The following THEMIS variants were observed in gnomAD, a reference collection of about 807,000 sequenced individuals.
THEMIS encodes the protein thymocyte selection associated.
A neutral mutation model predicts 52.6 loss-of-function variants in THEMIS; 37 were observed. That is an observed-to-expected ratio of 0.70 (90% CI 0.54 to 0.93). THEMIS has a LOEUF of 0.93. Among genes scored for constraint, THEMIS ranks in the 40% least tolerant of loss-of-function variants. The pLI is 0.00. For synonymous variants in THEMIS, 292 were observed against 272.7 expected, an observed-to-expected ratio of 1.07 and a Z score of -0.70; for missense variants, 808 against 763.1, an observed-to-expected ratio of 1.06 and a Z score of -0.69.
In THEMIS at chr6:127,708,541, G is replaced by C. The variant is rs977246125; in HGVS notation, c.*1444C>G. ...ATGGTGCAGTTTGTCAAGGCTGTTA[G>C]GTTAAGATTCGCTGTGGCCTTCAAT... On this transcript the variant is annotated 3_prime_UTR_variant, in exon 6 of 6. Coordinates refer to ENST00000368248, the MANE Select transcript of THEMIS (RefSeq NM_001010923.3). The C allele has an allele frequency of 1.3e-5, 2 of 152,012 alleles. No homozygotes were observed. Among genetic ancestry groups the C allele is most frequent in the Non-Finnish European group, 2.9e-5 (2 of 67,972 alleles). 9.4% of individuals were successfully genotyped at this position (152,012 alleles called of 1,614,324 possible). A position where few individuals can be genotyped will look rare whatever the true frequency, so the allele number is the denominator to read the frequency against.
intron 4 of THEMIS, among the ~76,000 whole-genome samples, chr6:127,758,897 G>T (rs970240699): frequency 5.3e-5 from 8 of 152,076 alleles, no homozygotes; most frequent in African/African-American, 1.9e-4. Context: ...TGTAATTTAA[G>T]CCAGTTACTT....
Position 127,723,573 on chromosome 6 carries a change from G to A in THEMIS, c.1759-3750C>T, listed in dbSNP as rs990117183. Among the ~76,000 whole-genome samples, 7 of 152,040 alleles carry A rather than the reference G, an allele frequency of 4.6e-5. No homozygotes were observed. The East Asian group carries it at 1.4e-3, about 29-fold the overall frequency. On this transcript the variant is annotated intron_variant, in intron 4 of 5. Transcript: ENST00000368248. Reference sequence around the variant, plus strand: ...AGAGATTTATGAAATGAGATGAGGTGTAGAGAGGCAGGAGCTTGCATGCCT... The same window carrying A: ...AGAGATTTATGAAATGAGATGAGGTATAGAGAGGCAGGAGCTTGCATGCCT...
chr6:127,757,104 A>G (rs913690056), intron 4 of THEMIS, among the ~76,000 whole-genome samples: 9 of 152,214 alleles, frequency 5.9e-5, no homozygotes, highest in South Asian at 2.1e-4. Flanking sequence ...ACATGTGGTC[A>G]TTAAACTCTT....
chr6:127,887,468 T>A (rs182399726), intron 1 of THEMIS, among the ~76,000 whole-genome samples: 1 of 152,202 alleles, frequency 6.6e-6, no homozygotes, highest in African/African-American at 2.4e-5. Flanking sequence ...TGAGTGTCCA[T>A]CAACTGGTGT....
At chr6:127,833,744 T>C (rs1258187848) in intron 2 of THEMIS, among the ~76,000 whole-genome samples, 1 of 152,160 alleles carries the variant, frequency 6.6e-6, no homozygotes, top group Non-Finnish European at 1.5e-5. Context: ...ATAGAGATAC[T>C]TGAGCTAGAA....
chr6:127,874,365 A>T (rs1478370593), intron 1 of THEMIS, among the ~76,000 whole-genome samples: 2 of 152,136 alleles, frequency 1.3e-5, no homozygotes, highest in African/African-American at 4.8e-5. Context: ...TAGCACCATA[A>T]ACAGTCTGTA....
In THEMIS at chr6:127,813,445, A is replaced by C; in HGVS notation, c.1196T>G (p.Val399Gly). ...CACTTTTTTTATTCCCTCACAGAGG[A>C]CTTCAGTCGTCTCTGACTGATGCAC... ...FLVHQSETTE[V>G]LCEGIKKVVN... Residue 399 changes from valine to glycine, a missense_variant, in exon 4 of 6, where the codon GTC becomes GGC. By Grantham distance (109) the Val-to-Gly change is moderately radical. Transcript: ENST00000368248. 6.2e-7 allele frequency: 1 copy of C among 1,613,934 alleles called. No homozygotes were observed. The highest frequency in any genetic ancestry group is 8.5e-7 in the Non-Finnish European group (1 of 1,179,958).
intron 2 of THEMIS, among the ~76,000 whole-genome samples, chr6:127,830,270 T>A (rs1778656630): frequency 6.6e-6 from 1 of 152,210 alleles, no homozygotes; most frequent in South Asian, 2.1e-4. Flanking sequence ...ATCTTACTTC[T>A]CAGTCACATT....
intron 2 of THEMIS, among the ~76,000 whole-genome samples, chr6:127,847,454 A>G (rs970373299): frequency 2.6e-5 from 4 of 152,020 alleles, no homozygotes; most frequent in Admixed American, 6.6e-5. Flanking sequence ...TACAAAATCA[A>G]TGTACACAAA....
intron 1 of THEMIS, among the ~76,000 whole-genome samples, chr6:127,898,737 T>C (rs1013573049): frequency 6.6e-6 from 1 of 151,854 alleles, no homozygotes; most frequent in Non-Finnish European, 1.5e-5. Flanking sequence ...TCAACTTAAA[T>C]GTCCATCAAC....
rs11447679 is a variant in THEMIS, at chr6:127,841,720, G to GAA, written c.251-11788_251-11787dup. Among the ~76,000 whole-genome samples the GAA allele has an allele frequency of 1.5e-3, 222 of 150,714 alleles. 1 individual carries two copies. The highest frequency in any genetic ancestry group is 0.012 in the South Asian group (56 of 4,770). On this transcript the variant is annotated intron_variant, in intron 2 of 5. Transcript: ENST00000368248. Reference sequence around the variant, plus strand: ...TCTGATCATGAACTAAAAAGCAAGAGAAAAAAAAATAGACCAAGAAATAGA... The same window carrying GAA: ...TCTGATCATGAACTAAAAAGCAAGAGAAAAAAAAAAATAGACCAAGAAATAGA...
rs1778592279 is a variant in THEMIS at position 127,828,719 on chromosome 6, T to C, written c.709+757A>G. On this transcript the variant is annotated intron_variant, in intron 3 of 5. Coordinates refer to ENST00000368248, the MANE Select transcript of THEMIS (RefSeq NM_001010923.3). The stretch of plus-strand genomic sequence containing the variant: ...CCTGTAATCCCAGCACTTTGGGAGG[T>C]GACGTGGGCCGATCACGAGGTCAAG... 7.2e-5 allele frequency among the ~76,000 whole-genome samples: 11 copies of C among 151,846 alleles called. No individual in the cohort carries two copies. The South Asian group carries it at 2.3e-3, about 32-fold the overall frequency.
intron 1 of THEMIS, among the ~76,000 whole-genome samples, chr6:127,882,754 C>G (rs1434491490): frequency 6.6e-6 from 1 of 151,656 alleles, no homozygotes; most frequent in Non-Finnish European, 1.5e-5. Flanking sequence ...TTTGTTTTGT[C>G]TAAGTATTTA....
At chr6:127,839,842 G>T (rs1778988775) in intron 2 of THEMIS, among the ~76,000 whole-genome samples, 1 of 152,040 alleles carries the variant, frequency 6.6e-6, no homozygotes, top group East Asian at 1.9e-4. Flanking sequence ...CCTGACTACA[G>T]GGCATCGTTG....
intron 1 of THEMIS, among the ~76,000 whole-genome samples, chr6:127,895,985 T>G (rs992158487): frequency 6.6e-6 from 1 of 151,422 alleles, no homozygotes; most frequent in African/African-American, 2.4e-5. Flanking sequence ...GTAAGCCAAA[T>G]TCAGTGAAAT....
the THEMIS span, among the ~76,000 whole-genome samples, chr6:127,702,895 A>C: frequency 3.3e-5 from 5 of 152,128 alleles, no homozygotes; most frequent in South Asian, 1.0e-3. Context: ...CATGGGAAAG[A>C]CCTGCCCCCA....
intron 4 of THEMIS, among the ~76,000 whole-genome samples, chr6:127,799,009 G>T (rs1043001950): frequency 5.0e-5 from 7 of 141,198 alleles, no homozygotes; most frequent in African/African-American, 1.6e-4. Context: ...AAAAAAAAAA[G>T]AAAGAAAAAA....
At position 127,710,920 on chromosome 6, in the gene THEMIS, T is replaced by C. The variant is rs188657096; in HGVS notation, c.1895-904A>G. Reference sequence around the variant, plus strand: ...TTCCTTCTGAGCACTCAATAGCCTATAACTGCCTGCCTCCCTCCCTCCTTC... The same window carrying C: ...TTCCTTCTGAGCACTCAATAGCCTACAACTGCCTGCCTCCCTCCCTCCTTC... On this transcript the variant is annotated intron_variant, in intron 5 of 5. Transcript: ENST00000368248. Among the ~76,000 whole-genome samples, 796 of 151,746 alleles carry C rather than the reference T, an allele frequency of 5.2e-3. 9 individuals carry two copies. Among genetic ancestry groups the C allele is most frequent in the African/African-American group, 0.018 (758 of 41,412 alleles).
intron 1 of THEMIS, among the ~76,000 whole-genome samples, chr6:127,895,823 C>G (rs1780948177): frequency 6.6e-6 from 1 of 151,316 alleles, no homozygotes; most frequent in Non-Finnish European, 1.5e-5. Flanking sequence ...TACATAAAAT[C>G]TTTAGGAAAA....
Sources: allele counts gnomAD v4.1 joint callset (sites outside exome capture counted in the v4.1 genomes callset), GRCh38; gene constraint gnomAD v4.1.1; transcripts MANE v1.5; gene names NCBI Gene and HGNC (gene_info 2026-07-23, HGNC 2026-07-21).